The following ACTR3C variants were observed in gnomAD, a reference collection of about 807,000 sequenced individuals.
The protein encoded by ACTR3C is actin related protein 3C.
A neutral mutation model predicts 26.3 loss-of-function variants in ACTR3C; 18 were observed. That is an observed-to-expected ratio of 0.68 (90% CI 0.47 to 1.01). The LOEUF (loss-of-function observed/expected upper bound fraction) is 1.01. Among genes scored for constraint, ACTR3C ranks in the 50% least tolerant of loss-of-function variants. The pLI is 0.00. For synonymous variants in ACTR3C, 55 were observed against 94.5 expected (o/e 0.58, Z 2.42); for missense variants, 184 against 250.7 (o/e 0.73, Z 1.80).
chr7:150,310,735 C>G (rs1055674904), intron 1 of ACTR3C, among the ~76,000 whole-genome samples: 1 of 152,186 alleles, frequency 6.6e-6, no homozygotes, highest in Non-Finnish European at 1.5e-5. Context: ...ACAGCCCACA[C>G]TACTTTGGTC....
chr7:150,219,224 T>A, the ACTR3C span, among the ~76,000 whole-genome samples: 1 of 142,822 alleles, frequency 7.0e-6, no homozygotes, highest in Non-Finnish European at 1.5e-5. Flanking sequence ...CCCCAACAAG[T>A]AGATTTTAAT....
the ACTR3C span, among the ~76,000 whole-genome samples, chr7:149,970,373 C>A: frequency 6.6e-6 from 1 of 151,846 alleles, no homozygotes; most frequent in Admixed American, 6.6e-5. Context: ...GAAGCAAAAT[C>A]CTGTGGACAT....
the ACTR3C span, among the ~76,000 whole-genome samples, chr7:149,963,063 C>G: frequency 1.3e-5 from 2 of 152,212 alleles, no homozygotes; most frequent in African/African-American, 4.8e-5. Context: ...TTAGCAGAGG[C>G]CATGGGGGGC....
chr7:150,183,401 T>C, the ACTR3C span, among the ~76,000 whole-genome samples: 1 of 149,750 alleles, frequency 6.7e-6, no homozygotes, highest in Non-Finnish European at 1.5e-5. Context: ...TGTTTCCAAC[T>C]TGGGGCTCTT....
chr7:150,223,562 T>C, the ACTR3C span, among the ~76,000 whole-genome samples: 3,620 of 151,956 alleles, frequency 0.024, 152 homozygotes, highest in African/African-American at 0.082. Context: ...CTTAGGTATC[T>C]ATTATTGCAT....
the ACTR3C span, among the ~76,000 whole-genome samples, chr7:150,035,462 T>TC: frequency 2.9e-4 from 6 of 20,916 alleles, no homozygotes; most frequent in East Asian, 1.7e-3. Flanking sequence ...GCCTCCCCCG[T>TC]TGCGATGGGG....
the ACTR3C span, among the ~76,000 whole-genome samples, chr7:149,958,991 T>A: frequency 6.6e-6 from 1 of 152,176 alleles, no homozygotes; most frequent in South Asian, 2.1e-4. Context: ...GGTGGCCCCA[T>A]ACTTCTGGAG....
At chr7:149,956,838 G>A in the ACTR3C span, among the ~76,000 whole-genome samples, 1 of 152,326 alleles carries the variant, frequency 6.6e-6, no homozygotes, top group Admixed American at 6.5e-5. Flanking sequence ...ACCCCCATCA[G>A]ACCTAATTCA....
At chr7:149,882,890 G>A in the ACTR3C span, among the ~76,000 whole-genome samples, 1 of 152,200 alleles carries the variant, frequency 6.6e-6, no homozygotes, top group Non-Finnish European at 1.5e-5. Flanking sequence ...CCAGCTGTGT[G>A]TGCCAGCTGG....
the ACTR3C span, among the ~76,000 whole-genome samples, chr7:149,917,301 C>A: frequency 1.3e-4 from 20 of 152,114 alleles, no homozygotes; most frequent in African/African-American, 3.4e-4. Flanking sequence ...TCTCAAACTC[C>A]CAACCTTAGG....
chr7:150,198,936 G>C, the ACTR3C span, among the ~76,000 whole-genome samples: 4 of 143,796 alleles, frequency 2.8e-5, no homozygotes, highest in African/African-American at 8.2e-5. Flanking sequence ...GAGGTGGGGG[G>C]GTCAGCCCCC....
the ACTR3C span, among the ~76,000 whole-genome samples, chr7:150,010,058 T>C: frequency 1.3e-5 from 2 of 152,268 alleles, no homozygotes; most frequent in African/African-American, 4.8e-5. Flanking sequence ...AGGTTGGTGC[T>C]GACACCTGCT....
the ACTR3C span, among the ~76,000 whole-genome samples, chr7:150,226,426 TTTG>T: frequency 1.3e-5 from 2 of 152,066 alleles, no homozygotes; most frequent in Non-Finnish European, 2.9e-5. Context: ...CTCATTGCTT[TTTG>T]TTGTTGTTGT....
intron 6 of ACTR3C, among the ~76,000 whole-genome samples, chr7:150,281,653 G>A (rs574208554): frequency 6.6e-6 from 1 of 151,914 alleles, no homozygotes; most frequent in Admixed American, 6.6e-5. Context: ...ACTTGCTGAG[G>A]AACTAGCAAA....
chr7:150,048,750 G>A, the ACTR3C span, among the ~76,000 whole-genome samples: 1 of 152,148 alleles, frequency 6.6e-6, no homozygotes, highest in East Asian at 1.9e-4. Context: ...GGTGCAAATG[G>A]GGCGTGGGAG....
the ACTR3C span, among the ~76,000 whole-genome samples, chr7:149,975,095 T>G: frequency 6.6e-6 from 1 of 152,032 alleles, no homozygotes; most frequent in Non-Finnish European, 1.5e-5. Flanking sequence ...AATACACATG[T>G]CCCCCCAGTG....
chr7:150,216,984 CAAA>C, the ACTR3C span, among the ~76,000 whole-genome samples: 2 of 105,240 alleles, frequency 1.9e-5, no homozygotes, highest in Non-Finnish European at 1.9e-5. Context: ...GACTCGGTCT[CAAA>C]AAAAAAAAAA....
At chr7:150,280,725 A>G (rs1297295161) in intron 6 of ACTR3C, among the ~76,000 whole-genome samples, 1 of 152,048 alleles carries the variant, frequency 6.6e-6, no homozygotes, top group Non-Finnish European at 1.5e-5. Context: ...TGTGGTAAGC[A>G]TTCCACGATG....
chr7:150,068,142 A>G, the ACTR3C span, among the ~76,000 whole-genome samples: 4 of 152,246 alleles, frequency 2.6e-5, no homozygotes, highest in African/African-American at 7.2e-5. Context: ...TTTTAAAGAT[A>G]CATCAGGGAA....
Sources: gnomAD v4.1 joint callset for allele counts (sites outside exome capture counted in the v4.1 genomes callset) on GRCh38, gnomAD v4.1.1 for gene constraint, MANE v1.5 for transcripts, NCBI Gene and HGNC (gene_info 2026-07-23, HGNC 2026-07-21) for gene names.